The following RASGRF1 variants were observed in gnomAD, a reference collection of about 807,000 sequenced individuals.
RASGRF1 encodes Ras protein specific guanine nucleotide releasing factor 1, also known as ras-specific guanine nucleotide-releasing factor 1.
A neutral mutation model predicts 138.7 loss-of-function variants in RASGRF1; 40 were observed. That is an observed-to-expected ratio of 0.29 (90% CI 0.22 to 0.38). The LOEUF is 0.38. Ranked by LOEUF, RASGRF1 falls within the 10% of genes least tolerant of loss-of-function variation. RASGRF1 has a pLI of 1.00. For missense variants in RASGRF1, 1,108 were observed against 1,650.4 expected, an observed-to-expected ratio of 0.67 and a Z score of 5.69; for synonymous variants, 614 against 663.2, an observed-to-expected ratio of 0.93 and a Z score of 1.14.
chr15:79,060,150 A>G (rs1210121720), intron 2 of RASGRF1, among the ~76,000 whole-genome samples: 1 of 152,122 alleles, frequency 6.6e-6, no homozygotes, highest in Non-Finnish European at 1.5e-5. Context: ...GCACTGCTCA[A>G]CAAGCCTCAG....
rs1029800454 is a variant in RASGRF1, at chr15:79,090,727, G to A, written c.-229C>T. The A allele has an allele frequency of 6.7e-6, 4 of 599,670 alleles. No individual in the cohort carries two copies. In the Admixed American group the frequency reaches 1.0e-4, roughly 15 times the overall value. The allele number at this position is 599,670 out of a possible 1,614,324, so 37.1% of individuals were successfully genotyped here. On this transcript the variant is annotated 5_prime_UTR_variant, in exon 1 of 27. Coordinates refer to ENST00000558480, the MANE Select transcript of RASGRF1 (RefSeq NM_001145648.3). ...CTCTTCTCCGCTCCGCAGAGCCCCA[G>A]TACCCGGAAGATGCCGCCCGACCCT...
At chr15:78,974,516 T>C (rs1312067497) in intron 24 of RASGRF1, among the ~76,000 whole-genome samples, 2 of 152,198 alleles carry the variant, frequency 1.3e-5, no homozygotes, top group African/African-American at 4.8e-5. Flanking sequence ...AGGCTCCTCA[T>C]GTATAAAGCA....
chr15:78,980,803 A>C, intron 23 of RASGRF1, 104 bp from the exon 24 acceptor site: 1 of 846,960 alleles, frequency 1.2e-6, no homozygotes, highest in Non-Finnish European at 1.8e-6. Flanking sequence ...AGGGCTCCAG[A>C]ATTGCCTTCC....
intron 1 of RASGRF1, 85 bp downstream of exon 1, chr15:79,090,138 C>T: frequency 6.9e-7 from 1 of 1,444,832 alleles, no homozygotes; most frequent in Non-Finnish European, 9.1e-7. Flanking sequence ...GGCCAAAGTT[C>T]AAGCGCCATC....
intron 11 of RASGRF1, among the ~76,000 whole-genome samples, chr15:79,018,317 GAGGAACTTCA>G (rs1184711739): frequency 2.0e-5 from 3 of 152,266 alleles, no homozygotes; most frequent in Non-Finnish European, 4.4e-5. Flanking sequence ...GGGGCCAAAT[GAGGAACTTCA>G]AGGTCTTAAA....
rs1306072952 is a variant in RASGRF1 at position 79,032,283 on chromosome 15, T to C, written c.992A>G (p.Asn331Ser). The C allele has an allele frequency of 1.9e-6, 3 of 1,613,798 alleles. No individual in the cohort carries two copies. The highest frequency in any genetic ancestry group is 2.5e-6 in the Non-Finnish European group (3 of 1,179,922). ...GTTGCGGACGAACTCTTGGTAGATG[T>C]TGAGCATGGGCAGCAGGATGTCAAA... ...DLFDILLPML[N>S]IYQEFVRNHQ... Residue 331 changes from asparagine to serine, a missense_variant, in exon 7 of 27, where the codon AAC (asparagine) becomes AGC (serine). By Grantham distance (46) the Asn-to-Ser change is conservative. This residue lies in a region of RASGRF1 where 169 missense variants were observed against 344.2 expected (regional missense o/e 0.49). Transcript: ENST00000558480. This position sits in a 1 kb window ranked among gnomAD's most constrained non-coding sequence, Gnocchi z 4.5.
Position 78,973,347 on chromosome 15 carries a change from T to C in RASGRF1, c.3568A>G (p.Asn1190Asp), listed in dbSNP as rs766479896. ...DLAFIEEGTP[N>D]YTEDGLVNFS... ...TTGACCAGGCCGTCTTCCGTGTAATTGGGCGTCCCCTCCTCGATGAAGGCC... is the reference window on the plus strand; with the variant it reads ...TTGACCAGGCCGTCTTCCGTGTAATCGGGCGTCCCCTCCTCGATGAAGGCC... The change falls in exon 25 of 27, where the codon AAT becomes GAT. Residue 1190 changes from asparagine to aspartate, a missense_variant. Asn to Asp is a conservative substitution (Grantham distance 23). This residue lies in a region of RASGRF1 where 686 missense variants were observed against 976.7 expected (regional missense o/e 0.70). Coordinates refer to ENST00000558480, the MANE Select transcript of RASGRF1 (RefSeq NM_001145648.3). The surrounding 1 kb of genome is among the most constrained non-coding windows in gnomAD (Gnocchi z 4.9). The C allele has an allele frequency of 2.5e-6, 4 of 1,613,876 alleles. No homozygotes were observed. The highest frequency in any genetic ancestry group is 3.4e-6 in the Non-Finnish European group (4 of 1,179,852).
At chr15:79,020,726 G>GT (rs1409950706) in intron 10 of RASGRF1, among the ~76,000 whole-genome samples, 1 of 152,222 alleles carries the variant, frequency 6.6e-6, no homozygotes, top group Non-Finnish European at 1.5e-5. Context: ...CATCTCTTGG[G>GT]TAGGAGGTCC....
In RASGRF1 at chr15:79,043,744, T is replaced by G. The variant is rs562652058; in HGVS notation, c.878+3002A>C. ...TTCTCAGGCTGAAGCCTGTGGAGGA[T>G]GCCACTCATCTTTGTTCTAGGCAGG... is the stretch of plus-strand genomic sequence containing the variant. On this transcript the variant is annotated intron_variant, in intron 5 of 26. Coordinates refer to ENST00000558480, the MANE Select transcript of RASGRF1 (RefSeq NM_001145648.3). Among the ~76,000 whole-genome samples the G allele has an allele frequency of 9.8e-5, 15 of 152,310 alleles. No homozygotes were observed. In the South Asian group the frequency reaches 3.1e-3, roughly 32 times the overall value.
intron 1 of RASGRF1, among the ~76,000 whole-genome samples, chr15:79,088,181 G>A (rs560604075): frequency 1.3e-5 from 2 of 152,224 alleles, no homozygotes; most frequent in East Asian, 3.9e-4. Flanking sequence ...CCCGTTGTTG[G>A]GTAACTCCCT....
At chr15:78,990,679 G>T (rs796534949) in intron 21 of RASGRF1, among the ~76,000 whole-genome samples, 19 of 152,338 alleles carry the variant, frequency 1.2e-4, no homozygotes, top group African/African-American at 4.1e-4. Flanking sequence ...GGAATAGAAG[G>T]CCCTAAAAGG....
intron 24 of RASGRF1, among the ~76,000 whole-genome samples, chr15:78,977,446 G>T (rs986838536): frequency 3.9e-5 from 6 of 152,168 alleles, no homozygotes; most frequent in Non-Finnish European, 8.8e-5. Context: ...CTGCGATGGG[G>T]TGGGGGTGGA....
intron 5 of RASGRF1, among the ~76,000 whole-genome samples, chr15:79,035,825 G>A (rs1454893411): frequency 1.3e-5 from 2 of 152,220 alleles, no homozygotes; most frequent in African/African-American, 4.8e-5. Context: ...CAGTGCACAG[G>A]AGACGCTCAG....
intron 26 of RASGRF1, among the ~76,000 whole-genome samples, chr15:78,964,466 G>A (rs536212837): frequency 1.3e-4 from 19 of 151,932 alleles, no homozygotes; most frequent in African/African-American, 3.6e-4. Flanking sequence ...TGAGCCACTG[G>A]CCCTGGCCAG....
chr15:78,980,598 C>A (rs373521737), intron 24 of RASGRF1, 22 bp downstream of exon 24: 1 of 1,561,970 alleles, frequency 6.4e-7, no homozygotes, highest in Non-Finnish European at 8.8e-7. Flanking sequence ...AAAATAACAG[C>A]GACAAAACGA....
intron 13 of RASGRF1, among the ~76,000 whole-genome samples, chr15:79,008,604 G>T (rs2141734369): frequency 6.6e-6 from 1 of 152,302 alleles, no homozygotes; most frequent in Non-Finnish European, 1.5e-5. Context: ...TTGAAGGCTG[G>T]GACGGATGCA....
chr15:79,049,114 G>T (rs767116804), intron 4 of RASGRF1, among the ~76,000 whole-genome samples: 1 of 152,132 alleles, frequency 6.6e-6, no homozygotes, highest in Non-Finnish European at 1.5e-5. Flanking sequence ...TGGCAGTGGG[G>T]GTGGCATGCC....
chr15:79,066,167 C>T (rs531996508), intron 1 of RASGRF1, among the ~76,000 whole-genome samples: 1 of 152,150 alleles, frequency 6.6e-6, no homozygotes, highest in African/African-American at 2.4e-5. Context: ...AGATGATGAA[C>T]ACACAAATGC....
chr15:79,079,238 C>T lies in RASGRF1; in HGVS notation c.276+10985G>A, dbSNP rs139421431. ...ACAAACATCTTTCGATCTGTGATGA[C>T]GCCTCAGCCAGCCTGCCCTCCCCTT... On this transcript the variant is annotated intron_variant, in intron 1 of 26. Coordinates refer to ENST00000558480, the MANE Select transcript of RASGRF1 (RefSeq NM_001145648.3). 2.1e-4 allele frequency among the ~76,000 whole-genome samples: 32 copies of T among 152,282 alleles called. No individual in the cohort carries two copies. The East Asian group carries it at 3.1e-3, about 15-fold the overall frequency.
Sources: gnomAD v4.1 joint callset for allele counts (sites outside exome capture counted in the v4.1 genomes callset) on GRCh38, gnomAD v4.1.1 for gene constraint, gnomAD v4.1.1 regional missense constraint, Gnocchi (gnomAD v3.1) non-coding constraint, MANE v1.5 for transcripts, NCBI Gene and HGNC (gene_info 2026-07-23, HGNC 2026-07-21) for gene names.